ARHGAP42: variants seen among roughly 807,000 people sequenced by gnomAD.
The protein encoded by ARHGAP42 is Rho GTPase activating protein 42.
Under a neutral mutation model 125.0 loss-of-function variants are expected in ARHGAP42, and 63 were observed. The observed-to-expected ratio is 0.50, with a 90% CI of 0.41 to 0.62. The LOEUF is 0.62. ARHGAP42 is among the 20% of genes least tolerant of loss of function. The pLI is 0.00. For synonymous variants in ARHGAP42, 339 were observed against 351.0 expected, an observed-to-expected ratio of 0.97 and a Z score of 0.38; for missense variants, 766 against 1,024.2, an observed-to-expected ratio of 0.75 and a Z score of 3.44.
intron 2 of ARHGAP42, among the ~76,000 whole-genome samples, chr11:100,779,461 AAAAAAAAT>A (rs1255699946): frequency 8.7e-5 from 7 of 80,452 alleles, no homozygotes; most frequent in African/African-American, 2.9e-4. Flanking sequence ...AAAAAAAAAA[AAAAAAAAT>A]ATATATATAT....
chr11:100,784,472 T>C (rs1324977152), intron 2 of ARHGAP42, among the ~76,000 whole-genome samples: 1 of 152,178 alleles, frequency 6.6e-6, no homozygotes, highest in East Asian at 1.9e-4. Flanking sequence ...TATGGGTATG[T>C]AAGAAGGGTA....
At chr11:100,771,963 A>G (rs1144128) in intron 2 of ARHGAP42, among the ~76,000 whole-genome samples, 117,123 of 152,078 alleles carry the variant, frequency 0.77, 45,344 homozygotes, top group East Asian at 1. Context: ...ATTTGAAAGT[A>G]ATGTCCACAC....
intron 17 of ARHGAP42, among the ~76,000 whole-genome samples, chr11:100,970,668 T>TAGCG (rs2135312979): frequency 6.6e-6 from 1 of 152,240 alleles, no homozygotes; most frequent in East Asian, 1.9e-4. Context: ...TCTTATGATT[T>TAGCG]AGCGAGAGAG....
chr11:100,906,556 T>C (rs2135220730), intron 4 of ARHGAP42, among the ~76,000 whole-genome samples: 1 of 134,792 alleles, frequency 7.4e-6, no homozygotes, highest in Middle Eastern at 3.9e-3. Flanking sequence ...AGTGTACATA[T>C]TGGGCCATTT....
intron 22 of ARHGAP42, among the ~76,000 whole-genome samples, chr11:100,984,778 G>A (rs929876438): frequency 6.6e-6 from 1 of 151,932 alleles, no homozygotes; most frequent in Non-Finnish European, 1.5e-5. Flanking sequence ...CTTTTTCAAA[G>A]AGAGATTAGA....
At chr11:100,690,488 G>C (rs955965813) in intron 1 of ARHGAP42, among the ~76,000 whole-genome samples, 13 of 152,030 alleles carry the variant, frequency 8.6e-5, no homozygotes, top group Non-Finnish European at 1.6e-4. Flanking sequence ...TATTTGGAAG[G>C]CTCCTTTAAA....
At chr11:100,738,836 A>G (rs935290533) in intron 1 of ARHGAP42, among the ~76,000 whole-genome samples, 1 of 152,230 alleles carries the variant, frequency 6.6e-6, no homozygotes, top group African/African-American at 2.4e-5. Context: ...GCAGGGCAAA[A>G]CAAACTGTGC....
intron 3 of ARHGAP42, among the ~76,000 whole-genome samples, chr11:100,846,853 G>A (rs1865079452): frequency 6.6e-6 from 1 of 152,136 alleles, no homozygotes; most frequent in African/African-American, 2.4e-5. Flanking sequence ...TAGGGAACAA[G>A]TGGAACAGAG....
chr11:100,814,931 A>G (rs1864230618), intron 3 of ARHGAP42, among the ~76,000 whole-genome samples: 1 of 152,212 alleles, frequency 6.6e-6, no homozygotes, highest in Admixed American at 6.5e-5. Flanking sequence ...TTCTTCTTCC[A>G]TTCGTCACTT....
chr11:100,733,134 T>G (rs1173413058), intron 1 of ARHGAP42, among the ~76,000 whole-genome samples: 1 of 152,226 alleles, frequency 6.6e-6, no homozygotes, highest in Non-Finnish European at 1.5e-5. Flanking sequence ...GATTCTGTAG[T>G]TCAGCTGCTA....
intron 3 of ARHGAP42, among the ~76,000 whole-genome samples, chr11:100,844,171 CA>C (rs2087343138): frequency 6.6e-6 from 1 of 151,978 alleles, no homozygotes; most frequent in African/African-American, 2.4e-5. Flanking sequence ...TGATCTTTGA[CA>C]AAGCAAACAA....
intron 4 of ARHGAP42, among the ~76,000 whole-genome samples, chr11:100,886,029 A>G (rs531730999): frequency 6.6e-6 from 1 of 152,336 alleles, no homozygotes; most frequent in South Asian, 2.1e-4. Context: ...AATGGGTGCT[A>G]TCTCTTGGAT....
intron 2 of ARHGAP42, among the ~76,000 whole-genome samples, chr11:100,786,642 T>A (rs906298081): frequency 1.3e-5 from 2 of 152,112 alleles, no homozygotes; most frequent in African/African-American, 2.4e-5. Context: ...TGGGAGAGTA[T>A]CCTAAGGAAA....
intron 8 of ARHGAP42, among the ~76,000 whole-genome samples, chr11:100,939,035 G>A (rs80098496): frequency 0.046 from 7,041 of 152,280 alleles, 317 homozygotes; most frequent in East Asian, 0.25. Context: ...GGAGATGGAT[G>A]TGATGGGGTA....
At chr11:100,917,100 A>T (rs1313142134) in intron 5 of ARHGAP42, among the ~76,000 whole-genome samples, 2 of 151,908 alleles carry the variant, frequency 1.3e-5, no homozygotes, top group Non-Finnish European at 2.9e-5. Flanking sequence ...TACTATCTTC[A>T]CATTTCTCTG....
chr11:100,866,615 CCTT>C (rs1865575897), intron 4 of ARHGAP42, among the ~76,000 whole-genome samples: 1 of 152,132 alleles, frequency 6.6e-6, no homozygotes, highest in Non-Finnish European at 1.5e-5. Context: ...GAAGCTATCA[CCTT>C]CTTCACATTG....
At chr11:100,904,494 G>T (rs554516846) in intron 4 of ARHGAP42, among the ~76,000 whole-genome samples, 1 of 151,142 alleles carries the variant, frequency 6.6e-6, no homozygotes, top group Admixed American at 6.6e-5. Flanking sequence ...TGATCCACCC[G>T]CCTCGGCCTC....
intron 22 of ARHGAP42, among the ~76,000 whole-genome samples, chr11:100,982,494 G>C (rs548972903): frequency 6.6e-6 from 1 of 152,282 alleles, no homozygotes; most frequent in Admixed American, 6.5e-5. Flanking sequence ...GCCCTAAGCA[G>C]ACATTGGTTA....
intron 19 of ARHGAP42, 40 bp from the exon 20 acceptor site, chr11:100,976,017 A>G: frequency 6.8e-7 from 1 of 1,462,222 alleles, no homozygotes; most frequent in Non-Finnish European, 9.0e-7. Context: ...ATCAATAGAT[A>G]GTTACAGTTG....
Sources: allele counts gnomAD v4.1 joint callset (sites outside exome capture counted in the v4.1 genomes callset), GRCh38; gene constraint gnomAD v4.1.1; transcripts MANE v1.5; gene names NCBI Gene and HGNC (gene_info 2026-07-23, HGNC 2026-07-21).